Variants in SLU7 observed in about 807,000 individuals in gnomAD.
The protein encoded by SLU7 is pre-mRNA-splicing factor SLU7.
In SLU7, 60 loss-of-function variants were observed where a neutral mutation model predicts 87.0. The observed-to-expected ratio is 0.69, with a 90% CI of 0.56 to 0.86. SLU7 has a LOEUF of 0.86. Ranked by LOEUF, SLU7 falls within the 40% of genes least tolerant of loss-of-function variation. SLU7 has a pLI of 0.00. For missense variants in SLU7, 507 were observed against 686.6 expected (o/e 0.74, Z 2.92); for synonymous variants, 197 against 222.0 (o/e 0.89, Z 1.00).
rs190958458 is a variant in SLU7 at position 160,410,594 on chromosome 5, G to A, written c.639+1857C>T. Among the ~76,000 whole-genome samples the A allele has an allele frequency of 4.0e-4, 61 of 152,050 alleles. No individual in the cohort carries two copies. The East Asian group carries it at 7.9e-3, about 20-fold the overall frequency. ...AAAAAAAAATAATCCAAGCATCCAAGTGGGCAAAAATCATTAGCCCCTTAC... is the reference window on the plus strand; with the variant it reads ...AAAAAAAAATAATCCAAGCATCCAAATGGGCAAAAATCATTAGCCCCTTAC... On this transcript the variant is annotated intron_variant, in intron 6 of 15. Transcript: ENST00000297151.
Position 160,408,340 on chromosome 5 carries a change from CT to C in SLU7, c.807del (p.Asp270IlefsTer6), listed in dbSNP as rs1371862895. 6.2e-7 allele frequency: 1 copy of C among 1,604,566 alleles called. No individual in the cohort carries two copies. Among genetic ancestry groups the C allele is most frequent in the African/African-American group, 1.3e-5 (1 of 74,516 alleles). ...CTGACAAGACTTACTTTTGCAATAT[CT>C]TCTCGAATCCTGAGATTCCGGACAG... is the stretch of plus-strand genomic sequence containing the variant. ...RITVRNLRIR[E>X]DIAKYLRNLD... is the part of the protein sequence containing the mutation. On this transcript the variant is annotated frameshift_variant, in exon 8 of 16. Transcript: ENST00000297151. LOFTEE classifies it high-confidence loss of function.
Position 160,407,492 on chromosome 5 carries a change from T to G in SLU7, c.1109A>C (p.Glu370Ala), listed in dbSNP as rs766618398. 4.4e-6 allele frequency: 7 copies of G among 1,608,016 alleles called. No individual in the cohort carries two copies. Among genetic ancestry groups the G allele is most frequent in the Admixed American group, 1.7e-5 (1 of 58,618 alleles). ...CAAAATTACCTTTTCCAGGATGCTT[T>G]CTTTCTGCTGTTCTTTGAAATCTTC... is the stretch of plus-strand genomic sequence containing the variant. Reference protein sequence around the residue: ...KKEDFKEQQKESILEKYGGQE... With the variant: ...KKEDFKEQQKASILEKYGGQE... The change falls in exon 11 of 16, where the codon GAA becomes GCA. Residue 370 changes from glutamate (E) to alanine (A), a missense_variant. Glu to Ala is a moderately radical substitution (Grantham distance 107). Around this residue, in one of 6 missense-constraint regions of SLU7, gnomAD observed 43 missense variants for 58.4 expected, o/e 0.74. Coordinates refer to ENST00000297151, the MANE Select transcript of SLU7 (RefSeq NM_006425.5). The surrounding 1 kb of genome is among the most constrained non-coding windows in gnomAD (Gnocchi z 4.2).
intron 12 of SLU7, 145 bp downstream of exon 12, chr5:160,406,323 G>T: frequency 1.6e-6 from 1 of 626,126 alleles, no homozygotes; most frequent in Non-Finnish European, 2.5e-6. Flanking sequence ...TTCTATTTTT[G>T]AAAAAATTCC....
At chr5:160,409,754 T>C (rs994783225) in intron 6 of SLU7, among the ~76,000 whole-genome samples, 1 of 152,044 alleles carries the variant, frequency 6.6e-6, no homozygotes, top group Non-Finnish European at 1.5e-5. Flanking sequence ...AGTGATTCTA[T>C]CCAAGGGGCA....
chr5:160,412,828 AG>A (rs1189689124), intron 5 of SLU7, among the ~76,000 whole-genome samples: 1 of 152,120 alleles, frequency 6.6e-6, no homozygotes, highest in African/African-American at 2.4e-5. Context: ...ACAGAACTCT[AG>A]ATGACTGACT....
chr5:160,416,444 A>G (rs1210461554), intron 1 of SLU7, among the ~76,000 whole-genome samples: 1 of 152,250 alleles, frequency 6.6e-6, no homozygotes, highest in East Asian at 1.9e-4. Context: ...AGCTTCAGAT[A>G]CATATATCCA....
Position 160,407,256 on chromosome 5 carries a change from A to G in SLU7, c.1125+220T>C, listed in dbSNP as rs1043639619. 1.3e-5 allele frequency among the ~76,000 whole-genome samples: 2 copies of G among 152,228 alleles called. No homozygotes were observed. Among genetic ancestry groups the G allele is most frequent in the African/African-American group, 2.4e-5 (1 of 41,452 alleles). On this transcript the variant is annotated intron_variant, in intron 11 of 15. Coordinates refer to ENST00000297151, the MANE Select transcript of SLU7 (RefSeq NM_006425.5). This position sits in a 1 kb window ranked among gnomAD's most constrained non-coding sequence, Gnocchi z 4.2. ...GGAGACTTGGCCAACTGTGAGAAAC[A>G]ATAAATGTTTATTTTAAGCTATTAA...
chr5:160,415,761 T>C (rs1765426460), intron 1 of SLU7, among the ~76,000 whole-genome samples: 1 of 152,218 alleles, frequency 6.6e-6, no homozygotes, highest in Non-Finnish European at 1.5e-5. Flanking sequence ...CCTACCATTC[T>C]AAAGAAAAGA....
chr5:160,409,334 T>A (rs953101134), intron 6 of SLU7, among the ~76,000 whole-genome samples: 6 of 141,536 alleles, frequency 4.2e-5, no homozygotes, highest in Non-Finnish European at 7.8e-5. Flanking sequence ...CAGAATACTT[T>A]CTAACTCCAC....
intron 1 of SLU7, among the ~76,000 whole-genome samples, chr5:160,416,098 T>G (rs544623346): frequency 3.3e-5 from 5 of 152,258 alleles, no homozygotes; most frequent in African/African-American, 1.2e-4. Flanking sequence ...TTCACCACAC[T>G]GGCCAGGCTG....
At chr5:160,410,706 C>T (rs1193821066) in intron 6 of SLU7, among the ~76,000 whole-genome samples, 1 of 152,114 alleles carries the variant, frequency 6.6e-6, no homozygotes, top group Admixed American at 6.5e-5. Flanking sequence ...AGAAACAGGC[C>T]CTTTTTCTTT....
intron 8 of SLU7, 116 bp downstream of exon 8, chr5:160,408,213 A>AACCTTATCTTAGAATGAC (rs1361421089): frequency 3.9e-6 from 5 of 1,277,584 alleles, no homozygotes; most frequent in Non-Finnish European, 5.5e-6. Context: ...AACAGAATGA[A>AACCTTATCTTAGAATGAC]ACCTTATCTT....
intron 1 of SLU7, chr5:160,418,762 G>A (rs1166334672): frequency 6.6e-6 from 1 of 152,222 alleles, no homozygotes; most frequent in African/African-American, 2.4e-5. Context: ...ATTGCTCAAG[G>A]TCTTCGAGGC....
chr5:160,417,878 C>T (rs1278064471), intron 1 of SLU7, among the ~76,000 whole-genome samples: 1 of 152,072 alleles, frequency 6.6e-6, no homozygotes, highest in Non-Finnish European at 1.5e-5. Context: ...CCTACACGGT[C>T]CACCATGGTC....
At chr5:160,417,001 C>G (rs567539827) in intron 1 of SLU7, 2 of 152,258 alleles carry the variant, frequency 1.3e-5, no homozygotes, top group African/African-American at 4.8e-5. Context: ...AAAGGGAAAC[C>G]CGTTTTGCTT....
chr5:160,416,582 C>T (rs938374930), intron 1 of SLU7, among the ~76,000 whole-genome samples: 2 of 152,130 alleles, frequency 1.3e-5, no homozygotes, highest in African/African-American at 4.8e-5. Flanking sequence ...AAGACAACAC[C>T]ATCCGTCCCT....
Position 160,414,464 on chromosome 5 carries a change from T to C in SLU7, c.179A>G (p.Asn60Ser). ...AGAAATATACTGAGGAATATGGGGG[T>C]TGATGTCTCTGTAATTAAAGTAAAA... Reference protein sequence around the residue: ...AEVDEEGKDINPHIPQYISSV... With the variant: ...AEVDEEGKDISPHIPQYISSV... The change falls in exon 3 of 16, where the codon AAC (asparagine) becomes AGC (serine). Residue 60 changes from asparagine to serine, a missense_variant. Physicochemically the swap from Asn to Ser is conservative, Grantham distance 46 (BLOSUM62 1). Coordinates refer to ENST00000297151, the MANE Select transcript of SLU7 (RefSeq NM_006425.5). 6.5e-7 allele frequency: 1 copy of C among 1,541,650 alleles called. No individual in the cohort carries two copies. Among genetic ancestry groups the C allele is most frequent in the Non-Finnish European group, 8.7e-7 (1 of 1,148,748 alleles).
At chr5:160,409,090 A>G (rs1192156141) in intron 6 of SLU7, among the ~76,000 whole-genome samples, 1 of 151,960 alleles carries the variant, frequency 6.6e-6, no homozygotes, top group East Asian at 1.9e-4. Context: ...TAAGATGTCC[A>G]AAGTACCCAA....
At chr5:160,413,128 A>C (rs958072115) in intron 5 of SLU7, among the ~76,000 whole-genome samples, 2 of 152,192 alleles carry the variant, frequency 1.3e-5, no homozygotes, top group African/African-American at 4.8e-5. Context: ...GGCAAGCTAT[A>C]GCTTGGGGCC....
Sources: gnomAD v4.1 joint callset for allele counts (sites outside exome capture counted in the v4.1 genomes callset) on GRCh38, gnomAD v4.1.1 for gene constraint, gnomAD v4.1.1 regional missense constraint, Gnocchi (gnomAD v3.1) non-coding constraint, MANE v1.5 for transcripts, NCBI Gene and HGNC (gene_info 2026-07-23, HGNC 2026-07-21) for gene names.